PCCA: variants seen among roughly 807,000 people sequenced by gnomAD.
PCCA encodes the protein propionyl-CoA carboxylase alpha chain, mitochondrial.
Under a neutral mutation model 101.3 loss-of-function variants are expected in PCCA, and 74 were observed. The ratio of observed to expected loss-of-function variants is 0.73; its 90% CI spans 0.61 to 0.89. PCCA has a LOEUF of 0.89. Ranked by LOEUF, PCCA falls within the 40% of genes least tolerant of loss-of-function variation. The pLI, the probability that PCCA is intolerant of heterozygous loss-of-function variation, is 0.00. For missense variants in PCCA, 891 were observed against 907.0 expected (o/e 0.98, Z 0.23); for synonymous variants, 294 against 313.6 (o/e 0.94, Z 0.66).
chr13:100,311,893 G>A (rs560552868), intron 16 of PCCA, among the ~76,000 whole-genome samples: 5 of 152,200 alleles, frequency 3.3e-5, no homozygotes, highest in Non-Finnish European at 7.3e-5. Flanking sequence ...CTAATACTGT[G>A]TGCGGAGGTT....
chr13:100,095,866 A>G (rs993814426), intron 1 of PCCA, among the ~76,000 whole-genome samples: 2 of 152,122 alleles, frequency 1.3e-5, no homozygotes, highest in African/African-American at 4.8e-5. Context: ...TATGTTTGGA[A>G]AAGACGTTTG....
chr13:100,144,732 G>T (rs2052326165), intron 4 of PCCA, among the ~76,000 whole-genome samples: 1 of 152,178 alleles, frequency 6.6e-6, no homozygotes, highest in Non-Finnish European at 1.5e-5. Flanking sequence ...AATTCCCAGG[G>T]ATGAGAAAAA....
intron 16 of PCCA, among the ~76,000 whole-genome samples, chr13:100,314,350 C>T (rs528150198): frequency 6.6e-6 from 1 of 152,318 alleles, no homozygotes; most frequent in Non-Finnish European, 1.5e-5. Context: ...CAGCAACCCA[C>T]AAGTCCTCTG....
In PCCA at chr13:100,527,735, G is replaced by A; in HGVS notation, c.2101G>A (p.Ala701Thr). ...EAMKMQNSMT[A>T]GKTGTVKSVH... is the part of the protein sequence containing the mutation. ...CATGAAAATGCAGAATAGTATGACA[G>A]CTGGGAAAACTGGCACGGTGAGTCC... is the stretch of plus-strand genomic sequence containing the variant. Residue 701 changes from alanine to threonine, a missense_variant, in exon 23 of 24, where the codon GCT becomes ACT. Physicochemically the swap from Ala to Thr is moderately conservative, Grantham distance 58 (BLOSUM62 0). Transcript: ENST00000376285. 6.2e-7 allele frequency: 1 copy of A among 1,613,576 alleles called. No individual in the cohort carries two copies. Among genetic ancestry groups the A allele is most frequent in the South Asian group, 1.1e-5 (1 of 91,076 alleles).
intron 21 of PCCA, chr13:100,479,435 A>G (rs2083699779): frequency 6.6e-6 from 1 of 152,254 alleles, no homozygotes; most frequent in Non-Finnish European, 1.5e-5. Context: ...AACTGCTAGT[A>G]GCCTACTGCT....
At chr13:100,371,746 TAGA>T (rs749086575) in intron 19 of PCCA, among the ~76,000 whole-genome samples, 2 of 152,186 alleles carry the variant, frequency 1.3e-5, no homozygotes, top group East Asian at 1.9e-4. Flanking sequence ...AATCCTGAAA[TAGA>T]AGAAGAAAGT....
At chr13:100,343,455 G>A (rs1425841974) in intron 18 of PCCA, among the ~76,000 whole-genome samples, 1 of 152,174 alleles carries the variant, frequency 6.6e-6, no homozygotes, top group Non-Finnish European at 1.5e-5. Flanking sequence ...AGAATAAACA[G>A]CTACATTCAC....
chr13:100,500,610 C>T (rs1236763588), intron 21 of PCCA, among the ~76,000 whole-genome samples: 3 of 152,270 alleles, frequency 2.0e-5, no homozygotes, highest in South Asian at 4.1e-4. Context: ...ATAGTGAGCA[C>T]GGTGGTATTC....
At chr13:100,522,375 A>G (rs972905522) in intron 22 of PCCA, among the ~76,000 whole-genome samples, 5 of 152,208 alleles carry the variant, frequency 3.3e-5, no homozygotes, top group African/African-American at 4.8e-5. Context: ...AATACCATCC[A>G]TCAGGAGCTA....
intron 6 of PCCA, among the ~76,000 whole-genome samples, chr13:100,157,910 T>C (rs1002616655): frequency 2.0e-5 from 3 of 152,236 alleles, no homozygotes; most frequent in Non-Finnish European, 4.4e-5. Context: ...AGATCAATTA[T>C]GCCAGGTACT....
intron 8 of PCCA, chr13:100,236,501 C>G (rs367727430): frequency 6.5e-6 from 1 of 153,128 alleles, no homozygotes; most frequent in South Asian, 2.0e-4. Context: ...GCTGTCATTG[C>G]CCAGGCTGGA....
intron 19 of PCCA, among the ~76,000 whole-genome samples, chr13:100,382,413 C>G (rs1413146143): frequency 6.6e-6 from 1 of 152,034 alleles, no homozygotes; most frequent in Non-Finnish European, 1.5e-5. Context: ...TGGGGTGGGG[C>G]CATGGGTAGT....
intron 11 of PCCA, among the ~76,000 whole-genome samples, chr13:100,272,161 G>T (rs1027185908): frequency 2.0e-5 from 3 of 152,102 alleles, no homozygotes; most frequent in Non-Finnish European, 4.4e-5. Flanking sequence ...GGTGGGTTTG[G>T]TATCTTGAAG....
intron 22 of PCCA, among the ~76,000 whole-genome samples, chr13:100,526,670 C>T (rs542519938): frequency 6.6e-6 from 1 of 152,388 alleles, no homozygotes; most frequent in East Asian, 1.9e-4. Context: ...GCCCTAGGAA[C>T]CTGGACTTGC....
chr13:100,426,861 C>A (rs1450364731), intron 20 of PCCA, among the ~76,000 whole-genome samples: 6 of 151,978 alleles, frequency 3.9e-5, no homozygotes, highest in African/African-American at 1.5e-4. Context: ...GTTTAAGACT[C>A]TTGAAAAAAA....
intron 10 of PCCA, among the ~76,000 whole-genome samples, chr13:100,263,831 T>C (rs2062698569): frequency 7.8e-6 from 1 of 127,582 alleles, no homozygotes; most frequent in African/African-American, 2.9e-5. Flanking sequence ...ATATATATGG[T>C]ATCTGTATAT....
intron 16 of PCCA, among the ~76,000 whole-genome samples, chr13:100,318,059 C>T (rs73575461): frequency 0.17 from 25,505 of 152,122 alleles, 3,377 homozygotes; most frequent in African/African-American, 0.36. Flanking sequence ...TCCCTCTTGC[C>T]CTTCCTCAGT....
At chr13:100,509,279 A>G (rs999131588) in intron 21 of PCCA, among the ~76,000 whole-genome samples, 1 of 152,244 alleles carries the variant, frequency 6.6e-6, no homozygotes, top group Admixed American at 6.5e-5. Flanking sequence ...ATGTTGTAAC[A>G]GTGCTAATTA....
intron 6 of PCCA, among the ~76,000 whole-genome samples, chr13:100,171,313 T>A (rs2055610781): frequency 1.3e-5 from 2 of 152,198 alleles, no homozygotes; most frequent in Admixed American, 1.3e-4. Context: ...CTCCTTGAGA[T>A]TGTCAATATT....
Sources: gnomAD v4.1 joint callset for allele counts (sites outside exome capture counted in the v4.1 genomes callset) on GRCh38, gnomAD v4.1.1 for gene constraint, MANE v1.5 for transcripts, NCBI Gene and HGNC (gene_info 2026-07-23, HGNC 2026-07-21) for gene names.